MEGF11: variants seen among roughly 807,000 people sequenced by gnomAD.
The protein encoded by MEGF11 is multiple epidermal growth factor-like domains protein 11.
A neutral mutation model predicts 146.6 loss-of-function variants in MEGF11; 126 were observed. That is an observed-to-expected ratio of 0.86 (90% confidence interval 0.74 to 1.00). The LOEUF (loss-of-function observed/expected upper bound fraction) is 1.00. MEGF11 is among the 50% of genes least tolerant of loss of function. The pLI is 0.00. For missense variants in MEGF11, 1,509 were observed against 1,521.2 expected, an observed-to-expected ratio of 0.99 and a Z score of 0.13; for synonymous variants, 532 against 583.4, an observed-to-expected ratio of 0.91 and a Z score of 1.27.
At chr15:65,992,456 G>T (rs969140785) in intron 5 of MEGF11, among the ~76,000 whole-genome samples, 4 of 144,926 alleles carry the variant, frequency 2.8e-5, no homozygotes, top group African/African-American at 5.2e-5. Flanking sequence ...TGTGTGGGGG[G>T]GGGGGTTAGT....
rs2079228331 is a variant in MEGF11 at position 65,922,949 on chromosome 15, A to C, written c.1696T>G (p.Cys566Gly). The change falls in exon 14 of 26, where the codon TGT becomes GGT. Residue 566 changes from cysteine to glycine, a missense_variant. Coordinates refer to ENST00000395614, the MANE Select transcript of MEGF11 (RefSeq NM_001385028.1). Reference sequence around the variant, plus strand: ...TTGGGGCCCCAGCGGCCAGGTGGACACGTGCTGTCACAGCGGATGCCTGTG... The same window carrying C: ...TTGGGGCCCCAGCGGCCAGGTGGACCCGTGCTGTCACAGCGGATGCCTGTG... The part of the protein sequence containing the change: ...GWTGIRCDST[C>G]PPGRWGPNCS... 6 of 1,612,926 alleles carry C rather than the reference A, an allele frequency of 3.7e-6. No individual in the cohort carries two copies. The South Asian group carries it at 6.6e-5, about 18-fold the overall frequency.
chr15:66,211,380 C>T (rs1239548261), intron 1 of MEGF11, among the ~76,000 whole-genome samples: 9 of 152,072 alleles, frequency 5.9e-5, no homozygotes, highest in East Asian at 1.9e-4. Flanking sequence ...AAAAATTAGC[C>T]GAGCATGGTG....
intron 5 of MEGF11, among the ~76,000 whole-genome samples, chr15:66,081,228 C>A (rs562738246): frequency 6.6e-6 from 1 of 152,150 alleles, no homozygotes; most frequent in Non-Finnish European, 1.5e-5. Flanking sequence ...TGGCCATGAG[C>A]GGGGTGGCAG....
intron 1 of MEGF11, among the ~76,000 whole-genome samples, chr15:66,204,713 C>T (rs560701046): frequency 2.0e-5 from 3 of 152,342 alleles, no homozygotes; most frequent in African/African-American, 7.2e-5. Flanking sequence ...AACATTCATT[C>T]TTGTCCTCTT....
intron 15 of MEGF11, chr15:65,921,597 G>C (rs2079172864): frequency 6.6e-6 from 1 of 152,370 alleles, no homozygotes; most frequent in Non-Finnish European, 1.5e-5. Flanking sequence ...AATAGGCAAT[G>C]ATGTGTGGAG....
intron 4 of MEGF11, among the ~76,000 whole-genome samples, chr15:66,096,094 C>T (rs2086540984): frequency 1.3e-5 from 2 of 152,200 alleles, no homozygotes; most frequent in African/African-American, 4.8e-5. Context: ...CATGGGATGC[C>T]AGCCCCTCAG....
chr15:66,220,193 C>A (rs2091696943), intron 1 of MEGF11, among the ~76,000 whole-genome samples: 1 of 152,050 alleles, frequency 6.6e-6, no homozygotes, highest in African/African-American at 2.4e-5. Context: ...TGATTTCACA[C>A]TTCTAACCTC....
At chr15:66,230,787 A>G (rs976723109) in intron 1 of MEGF11, among the ~76,000 whole-genome samples, 2 of 152,028 alleles carry the variant, frequency 1.3e-5, no homozygotes, top group South Asian at 2.1e-4. Context: ...CATTGTAAAG[A>G]GTTTTTAAAA....
rs535033952 is a variant in MEGF11, at chr15:65,948,433, G to A, written c.1287+9114C>T. On this transcript the variant is annotated intron_variant, in intron 10 of 25. Transcript: ENST00000395614. ...TTACACCCTGCATCTCGCTCAGTGC[G>A]CATACCGACCCCGAAGGGCTGGCAT... 1.4e-3 allele frequency among the ~76,000 whole-genome samples: 208 copies of A among 152,186 alleles called. 2 individuals carry two copies. Among genetic ancestry groups the A allele is most frequent in the African/African-American group, 4.9e-3 (203 of 41,524 alleles).
intron 1 of MEGF11, among the ~76,000 whole-genome samples, chr15:66,208,971 TAAAG>T (rs1453505677): frequency 1.3e-5 from 2 of 152,186 alleles, no homozygotes; most frequent in East Asian, 3.8e-4. Context: ...GACAAGGACA[TAAAG>T]AAACTATATC....
intron 4 of MEGF11, among the ~76,000 whole-genome samples, chr15:66,102,288 C>A (rs1286356066): frequency 1.0e-3 from 1 of 976 alleles, no homozygotes; most frequent in Non-Finnish European, 0.026. Context: ...GGAAGTGGTA[C>A]GATCTGTGCA....
rs142854031 is a variant in MEGF11, at chr15:66,013,650, C to A, written c.395-31162G>T. Among the ~76,000 whole-genome samples, 22 of 152,224 alleles carry A rather than the reference C, an allele frequency of 1.4e-4. No homozygotes were observed. In the East Asian group the frequency reaches 3.9e-3, roughly 27 times the overall value. ...AAGCTGGGCTGTCTTACTCCAACAC[C>A]CATCATGATTCTTTTGAAGGAGAAA... On this transcript the variant is annotated intron_variant, in intron 5 of 25. Transcript: ENST00000395614.
chr15:66,111,563 C>T (rs551869903), intron 4 of MEGF11, among the ~76,000 whole-genome samples: 41 of 152,300 alleles, frequency 2.7e-4, no homozygotes, highest in Middle Eastern at 3.4e-3. Context: ...CAGCCACCAC[C>T]CCCCACCCCC....
intron 5 of MEGF11, among the ~76,000 whole-genome samples, chr15:65,987,015 G>A (rs543559934): frequency 6.6e-6 from 1 of 151,982 alleles, no homozygotes; most frequent in Non-Finnish European, 1.5e-5. Flanking sequence ...TGTGTGGCCC[G>A]GCTTGTTCTG....
intron 1 of MEGF11, among the ~76,000 whole-genome samples, chr15:66,223,843 T>C (rs4550404): frequency 0.67 from 101,503 of 152,132 alleles, 34,258 homozygotes; most frequent in African/African-American, 0.71. Flanking sequence ...TAGGCACTCA[T>C]TATGTGTGGA....
chr15:65,996,803 CA>C, intron 5 of MEGF11, among the ~76,000 whole-genome samples: 1 of 152,298 alleles, frequency 6.6e-6, no homozygotes, highest in Non-Finnish European at 1.5e-5. Context: ...GCTTCCACAG[CA>C]CCTCTATGCT....
At chr15:66,201,305 T>C (rs367868156) in intron 1 of MEGF11, among the ~76,000 whole-genome samples, 3 of 152,230 alleles carry the variant, frequency 2.0e-5, no homozygotes, top group African/African-American at 4.8e-5. Context: ...CTTTCCCTGG[T>C]CCTTCCTCCT....
chr15:66,201,664 G>A (rs987089415), intron 1 of MEGF11, among the ~76,000 whole-genome samples: 6 of 151,350 alleles, frequency 4.0e-5, no homozygotes, highest in Admixed American at 6.6e-5. Context: ...GGCCGGGTAC[G>A]GTGGCTCATG....
At chr15:66,247,820 T>C (rs556144563) in intron 1 of MEGF11, among the ~76,000 whole-genome samples, 1 of 151,994 alleles carries the variant, frequency 6.6e-6, no homozygotes, top group African/African-American at 2.4e-5. Flanking sequence ...GCAGATCACC[T>C]GAGGTTGGGA....
Sources: allele counts gnomAD v4.1 joint callset (sites outside exome capture counted in the v4.1 genomes callset), GRCh38; gene constraint gnomAD v4.1.1; transcripts MANE v1.5; gene names NCBI Gene and HGNC (gene_info 2026-07-23, HGNC 2026-07-21).